CTNNA2: variants seen among roughly 807,000 people sequenced by gnomAD.
CTNNA2 encodes the protein catenin alpha-2.
Under a neutral mutation model 101.0 loss-of-function variants are expected in CTNNA2, and 42 were observed. The observed-to-expected ratio is 0.42, with a 90% CI of 0.32 to 0.54. The LOEUF (loss-of-function observed/expected upper bound fraction) is 0.54, where lower values mean the gene tolerates loss of function less well. CTNNA2 is among the 20% of genes least tolerant of loss of function. CTNNA2 has a pLI of 0.14. For missense variants in CTNNA2, 871 were observed against 1,223.1 expected (o/e 0.71, Z 4.29); for synonymous variants, 450 against 456.4 (o/e 0.99, Z 0.18).
At chr2:80,060,200 ACTGCTATACCT>A (rs1382547470) in intron 7 of CTNNA2, among the ~76,000 whole-genome samples, 1 of 152,066 alleles carries the variant, frequency 6.6e-6, no homozygotes, top group Non-Finnish European at 1.5e-5. Flanking sequence ...GGTTCACTGA[ACTGCTATACCT>A]CTGCAGAAAC....
chr2:80,511,013 G>A (rs1056413870), intron 9 of CTNNA2, among the ~76,000 whole-genome samples: 15 of 152,124 alleles, frequency 9.9e-5, no homozygotes, highest in Non-Finnish European at 4.4e-5. Context: ...TCATCTCTCA[G>A]GGAAGGGAAG....
intron 7 of CTNNA2, among the ~76,000 whole-genome samples, chr2:80,115,504 T>A (rs1701461134): frequency 6.6e-6 from 1 of 152,216 alleles, no homozygotes; most frequent in African/African-American, 2.4e-5. Flanking sequence ...ATTGTCTTCA[T>A]TCCCTAAAGG....
chr2:79,861,719 TTGC>T (rs1467209657), intron 4 of CTNNA2, among the ~76,000 whole-genome samples: 1 of 152,204 alleles, frequency 6.6e-6, no homozygotes, highest in Non-Finnish European at 1.5e-5. Context: ...CAAAAGGTTT[TTGC>T]TGCTGCTGTT....
intron 7 of CTNNA2, among the ~76,000 whole-genome samples, chr2:80,060,692 CT>C (rs1317091940): frequency 6.6e-6 from 1 of 152,014 alleles, no homozygotes; most frequent in Non-Finnish European, 1.5e-5. Context: ...TTCTTCTTTC[CT>C]TCCTTTTCAT....
At chr2:79,518,684 A>G (rs1224665104) in intron 1 of CTNNA2, among the ~76,000 whole-genome samples, 1 of 152,254 alleles carries the variant, frequency 6.6e-6, no homozygotes, top group Middle Eastern at 3.4e-3. Context: ...TCTTAAATTC[A>G]TAGGGCCTGA....
chr2:80,473,934 C>T (rs1013810586), intron 9 of CTNNA2, among the ~76,000 whole-genome samples: 1 of 152,108 alleles, frequency 6.6e-6, no homozygotes, highest in Non-Finnish European at 1.5e-5. Flanking sequence ...TATGTATAAA[C>T]ATTTGAATCC....
chr2:80,246,059 G>A (rs76838458), intron 7 of CTNNA2, among the ~76,000 whole-genome samples: 1 of 151,976 alleles, frequency 6.6e-6, no homozygotes, highest in Non-Finnish European at 1.5e-5. Context: ...CTCCTGAAGT[G>A]CTGGGATTAT....
Position 79,930,308 on chromosome 2 carries a change from G to GAAAGAAAGAAAGAAAGAA in CTNNA2, c.1056+20513_1056+20530dup, listed in dbSNP as rs1553406898. ...AGAGAGAGAAAGAGAAAGAAAGAAAGAAAGAAAGAAAGAAAGAAAGAAAGA... is the reference window on the plus strand; with the variant it reads ...AGAGAGAGAAAGAGAAAGAAAGAAAGAAAGAAAGAAAGAAAGAAAAAGAAAGAAAGAAAGAAAGAAAGA... On this transcript the variant is annotated intron_variant, in intron 7 of 18. Transcript: ENST00000402739. Among the ~76,000 whole-genome samples, 118 of 86,514 alleles carry GAAAGAAAGAAAGAAAGAA rather than the reference G, an allele frequency of 1.4e-3. 2 individuals carry two copies. The highest frequency in any genetic ancestry group is 5.5e-3 in the African/African-American group (112 of 20,280). 56.8% of individuals were successfully genotyped at this position (86,514 alleles called of 152,430 possible). A position where few individuals can be genotyped will look rare whatever the true frequency, so the allele number is the denominator to read the frequency against.
chr2:79,894,331 C>G (rs1684545088), intron 6 of CTNNA2, among the ~76,000 whole-genome samples: 1 of 151,726 alleles, frequency 6.6e-6, no homozygotes, highest in Non-Finnish European at 1.5e-5. Flanking sequence ...TGCCCTGCCC[C>G]CCGCCCCACC....
At chr2:79,870,188 C>A (rs1349024000) in intron 5 of CTNNA2, among the ~76,000 whole-genome samples, 1 of 152,158 alleles carries the variant, frequency 6.6e-6, no homozygotes, top group African/African-American at 2.4e-5. Flanking sequence ...GCTAGCCCTA[C>A]CACACTCTGA....
intron 3 of CTNNA2, among the ~76,000 whole-genome samples, chr2:79,319,411 G>T (rs995299441): frequency 6.6e-6 from 1 of 152,112 alleles, no homozygotes; most frequent in Non-Finnish European, 1.5e-5. Context: ...CTGTCATATT[G>T]CCATATTTCT....
At chr2:80,009,093 T>A (rs977724397) in intron 7 of CTNNA2, among the ~76,000 whole-genome samples, 3 of 152,178 alleles carry the variant, frequency 2.0e-5, no homozygotes, top group African/African-American at 7.2e-5. Flanking sequence ...TGACATGGTG[T>A]TAGAATTCAG....
At chr2:79,709,578 A>G (rs1275598316) in intron 2 of CTNNA2, among the ~76,000 whole-genome samples, 2 of 152,154 alleles carry the variant, frequency 1.3e-5, no homozygotes, top group Non-Finnish European at 2.9e-5. Context: ...AATAATAAAT[A>G]TAGACTAAGG....
chr2:79,872,980 C>T (rs2104047278), intron 5 of CTNNA2, among the ~76,000 whole-genome samples: 1 of 152,260 alleles, frequency 6.6e-6, no homozygotes, highest in South Asian at 2.1e-4. Flanking sequence ...AAAGAGACTC[C>T]CTAGTGGTAT....
chr2:79,975,619 C>T (rs1302275826), intron 7 of CTNNA2, among the ~76,000 whole-genome samples: 2 of 151,878 alleles, frequency 1.3e-5, no homozygotes, highest in African/African-American at 4.9e-5. Context: ...TTCCCACGAC[C>T]CTTTCCTCAG....
At chr2:79,319,927 G>T (rs931002171) in intron 3 of CTNNA2, 7 of 152,166 alleles carry the variant, frequency 4.6e-5, no homozygotes, top group African/African-American at 1.7e-4. Context: ...GGAATTTCAG[G>T]CAATTGTGTT....
At chr2:80,289,932 G>A (rs1281251202) in intron 7 of CTNNA2, among the ~76,000 whole-genome samples, 2 of 152,182 alleles carry the variant, frequency 1.3e-5, no homozygotes, top group Non-Finnish European at 2.9e-5. Context: ...AAATCCCTGT[G>A]GAGGAGAGTT....
chr2:79,298,331 G>A (rs933062612), intron 2 of CTNNA2, among the ~76,000 whole-genome samples: 1 of 152,092 alleles, frequency 6.6e-6, no homozygotes, highest in African/African-American at 2.4e-5. Context: ...TTACTGCAAG[G>A]CAGCATCAAG....
At chr2:79,642,828 A>G (rs1237091785) in intron 1 of CTNNA2, among the ~76,000 whole-genome samples, 1 of 151,338 alleles carries the variant, frequency 6.6e-6, no homozygotes, top group Non-Finnish European at 1.5e-5. Flanking sequence ...ACATACACAC[A>G]GATACTCTCT....
Sources: gnomAD v4.1 joint callset for allele counts (sites outside exome capture counted in the v4.1 genomes callset) on GRCh38, gnomAD v4.1.1 for gene constraint, MANE v1.5 for transcripts, NCBI Gene and HGNC (gene_info 2026-07-23, HGNC 2026-07-21) for gene names.